Variants in CYTH4 observed in about 807,000 individuals in gnomAD.
CYTH4 encodes the protein cytohesin 4.
Under a neutral mutation model 57.5 loss-of-function variants are expected in CYTH4, and 22 were observed. The observed-to-expected ratio is 0.38, with a 90% confidence interval of 0.27 to 0.55. The LOEUF (loss-of-function observed/expected upper bound fraction) is 0.55, where lower values mean the gene tolerates loss of function less well. Among genes scored for constraint, CYTH4 ranks in the 20% least tolerant of loss-of-function variants. The probability of loss-of-function intolerance (pLI) is 0.74; values close to 1 mark genes in which losing one functional copy is unlikely to be tolerated. For missense variants in CYTH4, 420 were observed against 535.6 expected (o/e 0.78, Z 2.13); for synonymous variants, 186 against 206.5 (o/e 0.90, Z 0.85).
rs954973609 is a variant in CYTH4, at chr22:37,311,120, C to T, written c.885+56C>T. 3.7e-5 allele frequency: 58 copies of T among 1,577,130 alleles called. No homozygotes were observed. In the African/African-American group the frequency reaches 7.4e-4, roughly 20 times the overall value. ...CCCCCGCCTCTCCCCGCACAACCCA[C>T]TTCCCAACTCCCACTGAGCAGTCGA... On this transcript the variant is annotated intron_variant, in intron 10 of 12. Coordinates refer to ENST00000248901, the MANE Select transcript of CYTH4 (RefSeq NM_013385.5). This position sits in a 1 kb window ranked among gnomAD's most constrained non-coding sequence, Gnocchi z 4.4.
At chr22:37,308,722 G>A (rs894159262) in intron 8 of CYTH4, among the ~76,000 whole-genome samples, 26 of 151,798 alleles carry the variant, frequency 1.7e-4, no homozygotes, top group Middle Eastern at 6.8e-3. Flanking sequence ...GTGTGTGTGC[G>A]TGTATGTATG....
chr22:37,290,327 A>C (rs1928705802), intron 1 of CYTH4, among the ~76,000 whole-genome samples: 1 of 152,168 alleles, frequency 6.6e-6, no homozygotes, highest in African/African-American at 2.4e-5. Flanking sequence ...CAGTTGTTGG[A>C]GTGAATGGCC....
rs543492566 is a variant in CYTH4 at position 37,313,988 on chromosome 22, T to C, written c.*477T>C. ...TGCCAACCCCTCCCCTGTCCTCGGG[T>C]TGGGCTTGGCCCTCTCTGCCTGAGA... On this transcript the variant is annotated 3_prime_UTR_variant, in exon 13 of 13. Transcript: ENST00000248901. The C allele has an allele frequency of 7.9e-6, 2 of 252,016 alleles. No homozygotes were observed. The highest frequency in any genetic ancestry group is 1.1e-4 in the South Asian group (1 of 9,040). The allele number at this position is 252,016 out of a possible 1,614,324, so 15.6% of individuals were successfully genotyped here.
Position 37,311,712 on chromosome 22 carries a change from G to A in CYTH4, c.957+185G>A. The A allele has an allele frequency of 5.8e-6, 4 of 685,282 alleles. No individual in the cohort carries two copies. Among genetic ancestry groups the A allele is most frequent in the Non-Finnish European group, 9.8e-6 (4 of 407,066 alleles). 42.5% of individuals were successfully genotyped at this position (685,282 alleles called of 1,614,324 possible). On this transcript the variant is annotated intron_variant, in intron 11 of 12. Transcript: ENST00000248901. The surrounding 1 kb of genome is among the most constrained non-coding windows in gnomAD (Gnocchi z 4.4). Reference sequence around the variant, plus strand: ...ATGGACAGTGAGAAAAGGTCAATGTGGGTCCAAGGACGTGGTTGTCCCCTG... The same window carrying A: ...ATGGACAGTGAGAAAAGGTCAATGTAGGTCCAAGGACGTGGTTGTCCCCTG...
In CYTH4 at chr22:37,308,570, G is replaced by A. The variant is rs376709101; in HGVS notation, c.697-642G>A. 2.6e-5 allele frequency among the ~76,000 whole-genome samples: 4 copies of A among 151,990 alleles called. No homozygotes were observed. The East Asian group carries it at 7.7e-4, about 29-fold the overall frequency. On this transcript the variant is annotated intron_variant, in intron 8 of 12. Transcript: ENST00000248901. Reference sequence around the variant, plus strand: ...TGTGTAAGTGTGCGTGTGTATACATGTATGTGTGAGCGTGTATATGTGTCT... The same window carrying A: ...TGTGTAAGTGTGCGTGTGTATACATATATGTGTGAGCGTGTATATGTGTCT...
intron 1 of CYTH4, among the ~76,000 whole-genome samples, chr22:37,287,430 C>G (rs182992571): frequency 6.6e-6 from 1 of 152,216 alleles, no homozygotes; most frequent in Non-Finnish European, 1.5e-5. Context: ...TGGGCAGAAA[C>G]ACAACCCCAA....
chr22:37,310,144 AC>A, intron 9 of CYTH4: 2 of 349,058 alleles, frequency 5.7e-6, no homozygotes, highest in Non-Finnish European at 1.2e-5. Flanking sequence ...CCTGCCCAGA[AC>A]CCCCAGGAGC....
chr22:37,308,345 ATG>A (rs967533990), intron 8 of CYTH4, among the ~76,000 whole-genome samples: 10 of 152,168 alleles, frequency 6.6e-5, no homozygotes, highest in African/African-American at 1.2e-4. Flanking sequence ...GTAAGCATGC[ATG>A]TGTGTGTGGG....
At chr22:37,312,391 T>A (rs1395473679) in intron 12 of CYTH4, among the ~76,000 whole-genome samples, 2 of 152,168 alleles carry the variant, frequency 1.3e-5, no homozygotes, top group Non-Finnish European at 1.5e-5. Context: ...ACCACCTGCA[T>A]GGGGTTGGTG....
intron 1 of CYTH4, among the ~76,000 whole-genome samples, chr22:37,285,181 G>A (rs543082164): frequency 1.3e-5 from 2 of 152,352 alleles, no homozygotes; most frequent in African/African-American, 4.8e-5. Context: ...CTAAAAATAC[G>A]ATGGGAAAGA....
At chr22:37,301,106 C>A in intron 7 of CYTH4, 87 bp downstream of exon 7, 1 of 1,173,030 alleles carries the variant, frequency 8.5e-7, no homozygotes, top group Non-Finnish European at 1.2e-6. Context: ...AGGTTTCCCC[C>A]AGGTACCCAG....
intron 6 of CYTH4, 152 bp downstream of exon 6, chr22:37,299,458 C>T: frequency 1.3e-6 from 1 of 746,106 alleles, no homozygotes. Context: ...GATAGTACTG[C>T]CTCACAGAGC....
rs41280019 is a variant in CYTH4 at position 37,314,055 on chromosome 22, C to T, written c.*544C>T. On this transcript the variant is annotated 3_prime_UTR_variant, in exon 13 of 13. Transcript: ENST00000248901. ...CAGCTCAGACCCACGGACAGGACCC[C>T]GGGACAGAACCCCGGGAGCACTGCC... is the stretch of plus-strand genomic sequence containing the variant. 644 of 304,656 alleles carry T rather than the reference C, an allele frequency of 2.1e-3. 3 individuals carry two copies. The highest frequency in any genetic ancestry group is 3.0e-3 in the Admixed American group (62 of 20,436). The allele number at this position is 304,656 out of a possible 1,614,324, so 18.9% of individuals were successfully genotyped here.
rs140901499 is a variant in CYTH4 at position 37,300,937 on chromosome 22, C to A, written c.465C>A (p.Gly155=). ...RQFLWSFRLP[G]EAQKIDRMME... is the part of the protein sequence containing the mutation. ...TCCTGTGGAGCTTCCGGCTGCCGGG[C>A]GAGGCCCAGAAGATAGACCGGATGA... The change falls in exon 7 of 13, where the codon GGC becomes GGA. Residue 155 remains glycine (G), a synonymous_variant. Coordinates refer to ENST00000248901, the MANE Select transcript of CYTH4 (RefSeq NM_013385.5). 16 of 1,614,192 alleles carry A rather than the reference C, an allele frequency of 9.9e-6. No homozygotes were observed. The highest frequency in any genetic ancestry group is 3.3e-5 in the Admixed American group (2 of 60,030).
At position 37,295,850 on chromosome 22, in the gene CYTH4, C is replaced by T. The variant is rs1361475551; in HGVS notation, c.168-149C>T. ...AGCCAGGCCTTGCACTGCTCTCTCC[C>T]GCCCAGGTGGTTCCCATGCAGGACC... On this transcript the variant is annotated intron_variant, in intron 3 of 12. Coordinates refer to ENST00000248901, the MANE Select transcript of CYTH4 (RefSeq NM_013385.5). The surrounding 1 kb of genome is among the most constrained non-coding windows in gnomAD (Gnocchi z 4.1). 7.9e-6 allele frequency: 6 copies of T among 760,330 alleles called. No homozygotes were observed. The highest frequency in any genetic ancestry group is 2.9e-4 in the Middle Eastern group (1 of 3,422). The allele number at this position is 760,330 out of a possible 1,614,324, so 47.1% of individuals were successfully genotyped here. A position where few individuals can be genotyped will look rare whatever the true frequency, so the allele number is the denominator to read the frequency against.
chr22:37,312,881 G>C (rs913279616), intron 12 of CYTH4, among the ~76,000 whole-genome samples: 2 of 152,272 alleles, frequency 1.3e-5, no homozygotes, highest in Non-Finnish European at 2.9e-5. Flanking sequence ...TATTGGCAAG[G>C]GTGAGGCCTG....
intron 6 of CYTH4, among the ~76,000 whole-genome samples, chr22:37,299,620 ATTTAT>A (rs1929110403): frequency 6.6e-6 from 1 of 152,236 alleles, no homozygotes; most frequent in African/African-American, 2.4e-5. Context: ...TGCATGTTTT[ATTTAT>A]TTTATAAGAC....
intron 8 of CYTH4, chr22:37,304,245 C>T (rs772443828): frequency 8.8e-6 from 4 of 456,468 alleles, no homozygotes; most frequent in Admixed American, 2.4e-5. Flanking sequence ...AGAACGGAGG[C>T]GTGTCCTGAT....
Position 37,292,307 on chromosome 22 carries a change from A to G in CYTH4, c.20-314A>G, listed in dbSNP as rs560453323. On this transcript the variant is annotated intron_variant, in intron 1 of 12. Transcript: ENST00000248901. ...TCTTTCTAGGTGCTGGGGACACAGT[A>G]GTGAGCAAAAGAGTAGAACAACTGA... 1.5e-5 allele frequency: 5 copies of G among 342,546 alleles called. No homozygotes were observed. In the East Asian group the frequency reaches 2.0e-4, roughly 14 times the overall value. 21.2% of individuals were successfully genotyped at this position (342,546 alleles called of 1,614,324 possible).
Sources: allele counts gnomAD v4.1 joint callset (sites outside exome capture counted in the v4.1 genomes callset), GRCh38; gene constraint gnomAD v4.1.1; non-coding constraint Gnocchi (gnomAD v3.1); transcripts MANE v1.5; gene names NCBI Gene and HGNC (gene_info 2026-07-23, HGNC 2026-07-21).